NKAIN3: variants seen among roughly 807,000 people sequenced by gnomAD.
NKAIN3 encodes sodium/potassium transporting ATPase interacting 3, also known as sodium/potassium-transporting ATPase subunit beta-1-interacting protein 3.
NKAIN3 carries 25 observed loss-of-function variants against 30.2 expected under a neutral mutation model. The observed-to-expected ratio is 0.83, with a 90% CI of 0.60 to 1.16. The LOEUF is 1.16. Ranked by LOEUF, NKAIN3 falls within the 50% of genes most tolerant of loss-of-function variation. NKAIN3 has a pLI of 0.00. For synonymous variants in NKAIN3, 91 were observed against 89.6 expected, an observed-to-expected ratio of 1.02 and a Z score of -0.09; for missense variants, 225 against 254.1, an observed-to-expected ratio of 0.89 and a Z score of 0.78.
chr8:62,804,456 T>C (rs1818197429), intron 4 of NKAIN3, among the ~76,000 whole-genome samples: 1 of 152,178 alleles, frequency 6.6e-6, no homozygotes, highest in Admixed American at 6.5e-5. Context: ...TCCACCACGA[T>C]CAAGTGGACT....
At chr8:62,282,172 T>C (rs1813220816) in intron 1 of NKAIN3, among the ~76,000 whole-genome samples, 1 of 152,134 alleles carries the variant, frequency 6.6e-6, no homozygotes, top group Admixed American at 6.6e-5. Context: ...ACTACCCATA[T>C]TACAATAGAA....
chr8:62,294,047 T>A (rs1245910519), intron 1 of NKAIN3, among the ~76,000 whole-genome samples: 2 of 152,220 alleles, frequency 1.3e-5, no homozygotes, highest in African/African-American at 4.8e-5. Context: ...AGGCACGGGA[T>A]GCAATCTCCT....
intron 5 of NKAIN3, among the ~76,000 whole-genome samples, chr8:62,943,226 T>G (rs568932524): frequency 6.6e-6 from 1 of 151,882 alleles, no homozygotes; most frequent in Non-Finnish European, 1.5e-5. Context: ...GAAAGTGACC[T>G]AAGACATGAA....
chr8:62,870,282 A>ATCTC (rs1820582843), intron 4 of NKAIN3, among the ~76,000 whole-genome samples: 1 of 124,586 alleles, frequency 8.0e-6, no homozygotes, highest in Non-Finnish European at 1.6e-5. Context: ...ATATATATAA[A>ATCTC]TATCTATAGA....
At chr8:62,524,750 T>C (rs534134101) in intron 1 of NKAIN3, among the ~76,000 whole-genome samples, 1 of 152,192 alleles carries the variant, frequency 6.6e-6, no homozygotes, top group Admixed American at 6.5e-5. Context: ...ATTTTCCCTC[T>C]TTATTCTTAA....
At chr8:62,640,267 A>G (rs1812268005) in intron 3 of NKAIN3, among the ~76,000 whole-genome samples, 1 of 152,094 alleles carries the variant, frequency 6.6e-6, no homozygotes, top group African/African-American at 2.4e-5. Flanking sequence ...TGATAGGATC[A>G]CGGGGGCGGT....
chr8:62,621,780 G>A (rs1811624132), intron 3 of NKAIN3, among the ~76,000 whole-genome samples: 1 of 151,920 alleles, frequency 6.6e-6, no homozygotes, highest in African/African-American at 2.4e-5. Flanking sequence ...CTCCTTGCTA[G>A]CTCCAAATCC....
intron 4 of NKAIN3, among the ~76,000 whole-genome samples, chr8:62,791,393 A>G (rs1300057653): frequency 6.6e-6 from 1 of 152,128 alleles, no homozygotes; most frequent in Non-Finnish European, 1.5e-5. Context: ...TTGGTACTGA[A>G]TTGAGAACCA....
intron 4 of NKAIN3, among the ~76,000 whole-genome samples, chr8:62,871,546 T>A (rs976347657): frequency 1.3e-5 from 2 of 152,224 alleles, no homozygotes; most frequent in Non-Finnish European, 2.9e-5. Flanking sequence ...TTAACTGTAG[T>A]TACCATGCTA....
intron 4 of NKAIN3, among the ~76,000 whole-genome samples, chr8:62,881,398 C>G (rs1202677352): frequency 6.6e-6 from 1 of 152,190 alleles, no homozygotes; most frequent in Non-Finnish European, 1.5e-5. Context: ...CCTTTTTAGA[C>G]TAGCTCCTTT....
At chr8:62,725,190 T>C (rs757312719) in intron 3 of NKAIN3, among the ~76,000 whole-genome samples, 6 of 152,164 alleles carry the variant, frequency 3.9e-5, no homozygotes, top group Non-Finnish European at 7.4e-5. Context: ...TTTGAAAAAA[T>C]ATCTATTCAG....
intron 4 of NKAIN3, chr8:62,863,819 C>T: frequency 1.2e-6 from 2 of 1,611,242 alleles, no homozygotes; most frequent in East Asian, 2.2e-5. Context: ...ATGATACCGG[C>T]CATTGAAGAG....
At chr8:62,348,595 A>G (rs975147926) in intron 1 of NKAIN3, among the ~76,000 whole-genome samples, 14 of 152,184 alleles carry the variant, frequency 9.2e-5, no homozygotes, top group Non-Finnish European at 1.9e-4. Flanking sequence ...AGGCTGCTCA[A>G]TGGGACTATC....
intron 1 of NKAIN3, among the ~76,000 whole-genome samples, chr8:62,501,977 A>G (rs193166200): frequency 6.6e-6 from 1 of 152,288 alleles, no homozygotes; most frequent in East Asian, 1.9e-4. Flanking sequence ...AAGCAAAAAA[A>G]GATTTAAAGT....
At chr8:62,592,814 G>GA (rs1179498032) in intron 3 of NKAIN3, among the ~76,000 whole-genome samples, 2 of 151,722 alleles carry the variant, frequency 1.3e-5, no homozygotes, top group Admixed American at 6.6e-5. Flanking sequence ...ATTAATGTCA[G>GA]AAAAAAAGTA....
Position 62,974,651 on chromosome 8 carries a change from A to C in NKAIN3, c.*9244A>C, listed in dbSNP as rs915265848. The stretch of plus-strand genomic sequence containing the variant: ...CTCTCTTCCTATTCGAATACGCTTT[A>C]TTTCATTCTCTTGCCTGTTTGCCCT... On this transcript the variant is annotated 3_prime_UTR_variant, in exon 7 of 7. Transcript: ENST00000623646. 4.6e-5 allele frequency among the ~76,000 whole-genome samples: 7 copies of C among 152,136 alleles called. No individual in the cohort carries two copies. Among genetic ancestry groups the C allele is most frequent in the African/African-American group, 1.7e-4 (7 of 41,442 alleles).
At chr8:62,499,337 C>T (rs1807343636) in intron 1 of NKAIN3, among the ~76,000 whole-genome samples, 4 of 152,044 alleles carry the variant, frequency 2.6e-5, no homozygotes, top group Non-Finnish European at 4.4e-5. Context: ...TCGCAGTACT[C>T]ATGGTATCTG....
chr8:62,687,214 T>C (rs909489683), intron 3 of NKAIN3, among the ~76,000 whole-genome samples: 2 of 152,268 alleles, frequency 1.3e-5, no homozygotes, highest in Admixed American at 1.3e-4. Flanking sequence ...GAGGAATATG[T>C]GTGTTTTCAT....
At chr8:62,430,081 T>A (rs1178418147) in intron 1 of NKAIN3, among the ~76,000 whole-genome samples, 1 of 151,904 alleles carries the variant, frequency 6.6e-6, no homozygotes, top group African/African-American at 2.4e-5. Flanking sequence ...AAGTACCTCA[T>A]ATAAGTGAAT....
Sources: gnomAD v4.1 joint callset for allele counts (sites outside exome capture counted in the v4.1 genomes callset) on GRCh38, gnomAD v4.1.1 for gene constraint, MANE v1.5 for transcripts, NCBI Gene and HGNC (gene_info 2026-07-23, HGNC 2026-07-21) for gene names.